LAYN: variants seen among roughly 807,000 people sequenced by gnomAD.
LAYN encodes the protein layilin.
A neutral mutation model predicts 43.6 loss-of-function variants in LAYN; 38 were observed. The ratio of observed to expected loss-of-function variants is 0.87; its 90% confidence interval spans 0.67 to 1.14. The LOEUF is 1.14. Ranked by LOEUF, LAYN falls within the 50% of genes most tolerant of loss-of-function variation. The pLI, the probability that LAYN is intolerant of heterozygous loss-of-function variation, is 0.00. For synonymous variants in LAYN, 168 were observed against 172.9 expected (o/e 0.97, Z 0.22); for missense variants, 479 against 463.8 (o/e 1.03, Z -0.30).
At chr11:111,554,901 T>C (rs1364201909) in intron 4 of LAYN, among the ~76,000 whole-genome samples, 2 of 152,214 alleles carry the variant, frequency 1.3e-5, no homozygotes, top group African/African-American at 4.8e-5. Flanking sequence ...AAACTGTTAA[T>C]TTATGGTCCT....
At chr11:111,555,169 C>T (rs774292123) in intron 4 of LAYN, 38 bp from the exon 5 acceptor site, 2 of 1,482,734 alleles carry the variant, frequency 1.3e-6, no homozygotes, top group South Asian at 2.3e-5. Context: ...TGAATTATGC[C>T]TTTCTTCAAG....
intron 2 of LAYN, among the ~76,000 whole-genome samples, chr11:111,545,290 T>C (rs1399417989): frequency 6.6e-6 from 1 of 152,162 alleles, no homozygotes; most frequent in Admixed American, 6.5e-5. Flanking sequence ...ATGGTACTTA[T>C]TGACTTCCCT....
At chr11:111,541,323 G>C (rs962446508) in intron 1 of LAYN, 10 of 604,850 alleles carry the variant, frequency 1.7e-5, no homozygotes, top group Non-Finnish European at 2.6e-5. Context: ...GCTGGCCCCC[G>C]CCTACCGCCC....
intron 2 of LAYN, among the ~76,000 whole-genome samples, chr11:111,547,925 A>G (rs996702867): frequency 6.6e-6 from 1 of 152,200 alleles, no homozygotes; most frequent in South Asian, 2.1e-4. Context: ...CCCACAGGTA[A>G]GTAGACCAAG....
intron 3 of LAYN, among the ~76,000 whole-genome samples, chr11:111,551,648 T>C (rs1394920950): frequency 1.3e-5 from 2 of 152,170 alleles, no homozygotes; most frequent in African/African-American, 4.8e-5. Flanking sequence ...TCTTAATTTC[T>C]GTTTCCTGTG....
At chr11:111,543,838 A>G in intron 1 of LAYN, 85 bp from the exon 2 acceptor site, 1 of 1,358,400 alleles carries the variant, frequency 7.4e-7, no homozygotes, top group Non-Finnish European at 1.0e-6. Context: ...CTACCCAGGG[A>G]TACCTTCCTT....
chr11:111,548,181 A>G (rs988770495), intron 2 of LAYN, among the ~76,000 whole-genome samples: 4 of 152,156 alleles, frequency 2.6e-5, no homozygotes, highest in African/African-American at 9.7e-5. Flanking sequence ...CCCTGTGTCC[A>G]ACAGCCCTTG....
In LAYN at chr11:111,560,196, G is replaced by C. The variant is rs1486732421; in HGVS notation, c.863G>C (p.Arg288Thr). 2 of 1,614,152 alleles carry C rather than the reference G, an allele frequency of 1.2e-6. No homozygotes were observed. Among genetic ancestry groups the C allele is most frequent in the Non-Finnish European group, 1.7e-6 (2 of 1,180,028 alleles). ...GACCTAGAGGTCTACAATGTCATAA[G>C]AAAACAAAGCGAAGCTGACTTAGCT... ...SPDLEVYNVIRKQSEADLAET... is the reference protein window; with the variant it reads ...SPDLEVYNVITKQSEADLAET... The change falls in exon 7 of 7, where the codon AGA becomes ACA. Residue 288 changes from arginine (R) to threonine (T), a missense_variant. Arg to Thr is a moderately conservative substitution (Grantham distance 71, BLOSUM62 -1). Transcript: ENST00000375614.
chr11:111,556,412 C>T (rs1039612070), intron 5 of LAYN, among the ~76,000 whole-genome samples: 2 of 152,182 alleles, frequency 1.3e-5, no homozygotes, highest in African/African-American at 4.8e-5. Context: ...TCACTAGGCT[C>T]AAAGCCCCAA....
chr11:111,554,196 A>C (rs1449289959), intron 3 of LAYN, among the ~76,000 whole-genome samples: 1 of 152,192 alleles, frequency 6.6e-6, no homozygotes, highest in Non-Finnish European at 1.5e-5. Flanking sequence ...GGAGAGGAGT[A>C]GGGATTATTG....
At chr11:111,541,714 A>ACCT (rs980496668) in intron 1 of LAYN, 1 of 785,374 alleles carries the variant, frequency 1.3e-6, no homozygotes, top group African/African-American at 1.7e-5. Context: ...GAGACTGGGA[A>ACCT]CCTCCTCTAC....
intron 1 of LAYN, chr11:111,541,291 C>A (rs1420021002): frequency 5.3e-5 from 32 of 600,882 alleles, no homozygotes; most frequent in Non-Finnish European, 8.0e-5. Context: ...CTTGGGACCA[C>A]CCCCGCGGGG....
Position 111,555,126 on chromosome 11 carries a change from C to G in LAYN, c.575-81C>G. On this transcript the variant is annotated intron_variant, in intron 4 of 6. Transcript: ENST00000375614. The stretch of plus-strand genomic sequence containing the variant: ...AAATTTCTACAGCTTTTTTGCATCC[C>G]AATTTGAACATGGTAGGACCTCAAA... 6 of 1,042,384 alleles carry G rather than the reference C, an allele frequency of 5.8e-6. No individual in the cohort carries two copies. In the South Asian group the frequency reaches 8.7e-5, roughly 15 times the overall value. The allele number at this position is 1,042,384 out of a possible 1,614,324, so 64.6% of individuals were successfully genotyped here.
rs1354575284 is a variant in LAYN, at chr11:111,544,213, C to A, written c.376C>A (p.Gln126Lys). ...TGCTTGGACTGATGGCAGCATATCA[C>A]AATTTAGGTAAGTGTGTGGAACCCA... is the stretch of plus-strand genomic sequence containing the variant. The part of the protein sequence containing the change: ...LYAWTDGSIS[Q>K]FRNWYVDEPS... The change falls in exon 2 of 7, where the codon CAA (glutamine) becomes AAA (lysine). Residue 126 changes from glutamine (Q) to lysine (K), a missense_variant. Gln to Lys is a moderately conservative substitution (Grantham distance 53). Transcript: ENST00000375614. 1.9e-6 allele frequency: 3 copies of A among 1,611,860 alleles called. No individual in the cohort carries two copies. The Admixed American group carries it at 5.0e-5, about 27-fold the overall frequency.
chr11:111,553,488 G>A (rs1447055067), intron 3 of LAYN, among the ~76,000 whole-genome samples: 2 of 151,578 alleles, frequency 1.3e-5, no homozygotes, highest in East Asian at 1.9e-4. Context: ...GCATGGTGGC[G>A]CATGCCTATA....
chr11:111,544,963 T>C (rs1867623236), intron 2 of LAYN, among the ~76,000 whole-genome samples: 1 of 151,858 alleles, frequency 6.6e-6, no homozygotes, highest in South Asian at 2.1e-4. Context: ...TAAACAATCA[T>C]ATGGGGAAAG....
chr11:111,545,970 T>C (rs1159390783), intron 2 of LAYN, among the ~76,000 whole-genome samples: 2 of 152,236 alleles, frequency 1.3e-5, no homozygotes, highest in South Asian at 2.1e-4. Context: ...TTGCTGGAAG[T>C]TGAACATTCG....
At chr11:111,549,136 A>G (rs1183366875) in intron 2 of LAYN, among the ~76,000 whole-genome samples, 1 of 152,162 alleles carries the variant, frequency 6.6e-6, no homozygotes, top group African/African-American at 2.4e-5. Flanking sequence ...TGTCTTGCTC[A>G]TGTGCTTGAA....
At chr11:111,550,149 T>G (rs1194872349) in intron 3 of LAYN, among the ~76,000 whole-genome samples, 1 of 152,238 alleles carries the variant, frequency 6.6e-6, no homozygotes, top group Admixed American at 6.5e-5. Flanking sequence ...CCATTGCTCC[T>G]ACAAGTCTTC....
Sources: allele counts gnomAD v4.1 joint callset (sites outside exome capture counted in the v4.1 genomes callset), GRCh38; gene constraint gnomAD v4.1.1; transcripts MANE v1.5; gene names NCBI Gene and HGNC (gene_info 2026-07-23, HGNC 2026-07-21).